Variants in CNOT4 observed in about 807,000 individuals in gnomAD.
CNOT4 encodes CCR4-NOT transcription complex subunit 4.
A neutral mutation model predicts 73.8 loss-of-function variants in CNOT4; 8 were observed. That is an observed-to-expected ratio of 0.11 (90% CI 0.06 to 0.20). The LOEUF is 0.20. Ranked by LOEUF, CNOT4 falls within the 10% of genes least tolerant of loss-of-function variation. The probability of loss-of-function intolerance (pLI) is 1.00; values close to 1 mark genes in which losing one functional copy is unlikely to be tolerated. For missense variants in CNOT4, 564 were observed against 883.4 expected (o/e 0.64, Z 4.58); for synonymous variants, 293 against 321.1 (o/e 0.91, Z 0.94).
At chr7:135,494,300 T>C (rs1251928478) in intron 1 of CNOT4, among the ~76,000 whole-genome samples, 1 of 151,392 alleles carries the variant, frequency 6.6e-6, no homozygotes, top group African/African-American at 2.4e-5. Context: ...TGAAACCCCG[T>C]CTCTACTAAA....
chr7:135,426,476 A>G (rs1357835190), intron 2 of CNOT4, among the ~76,000 whole-genome samples: 1 of 151,786 alleles, frequency 6.6e-6, no homozygotes, highest in Non-Finnish European at 1.5e-5. Context: ...GGTGGTGGGC[A>G]CCTGTAGTCC....
At chr7:135,378,368 G>T (rs553944539) in intron 10 of CNOT4, among the ~76,000 whole-genome samples, 3 of 152,234 alleles carry the variant, frequency 2.0e-5, no homozygotes, top group African/African-American at 7.2e-5. Context: ...GCCAGGCATG[G>T]TGGCATATGC....
intron 1 of CNOT4, among the ~76,000 whole-genome samples, chr7:135,485,673 C>T (rs970699628): frequency 0.13 from 19 of 146 alleles, no homozygotes; most frequent in Non-Finnish European, 0.21. Flanking sequence ...ATAAATGGTG[C>T]GAGAGCAATG....
chr7:135,415,252 C>A lies in CNOT4; in HGVS notation c.383G>T (p.Arg128Leu). ...QRLADPEVLK[R>L]PEYFGKFGKI... ...ACCAAACTTCCCAAAATATTCTGGT[C>A]GTTTTAAAACCTATAAAAGAAGAAG... Residue 128 changes from arginine to leucine, a missense_variant, in exon 4 of 12, where the codon CGA becomes CTA. Arg to Leu is a moderately radical substitution (Grantham distance 102, BLOSUM62 -2). This residue lies in a region of CNOT4 where 76 missense variants were observed against 208.7 expected (regional missense o/e 0.36). Coordinates refer to ENST00000541284, the MANE Select transcript of CNOT4 (RefSeq NM_001190850.2). The A allele has an allele frequency of 3.2e-6, 5 of 1,558,784 alleles. No individual in the cohort carries two copies. In the South Asian group the frequency reaches 5.6e-5, roughly 17 times the overall value.
chr7:135,426,371 G>A (rs1009751949), intron 2 of CNOT4, among the ~76,000 whole-genome samples: 3 of 152,098 alleles, frequency 2.0e-5, no homozygotes, highest in African/African-American at 7.2e-5. Context: ...GGGAGGCCAA[G>A]GCGGGCGGAC....
intron 1 of CNOT4, among the ~76,000 whole-genome samples, chr7:135,476,228 AG>A (rs1477692534): frequency 6.6e-6 from 1 of 152,168 alleles, no homozygotes; most frequent in Non-Finnish European, 1.5e-5. Flanking sequence ...AAACTGGGAG[AG>A]AGACAGATAT....
intron 1 of CNOT4, chr7:135,444,992 C>A: frequency 3.5e-6 from 3 of 859,970 alleles, no homozygotes; most frequent in Non-Finnish European, 6.0e-6. Flanking sequence ...GCTTGTCATG[C>A]CATTAAGCTC....
At chr7:135,416,133 C>A (rs528840503) in intron 3 of CNOT4, among the ~76,000 whole-genome samples, 1 of 152,152 alleles carries the variant, frequency 6.6e-6, no homozygotes, top group Non-Finnish European at 1.5e-5. Flanking sequence ...TTCCTACAAT[C>A]TCTCCAAATA....
chr7:135,385,745 A>C (rs982078593), intron 10 of CNOT4, among the ~76,000 whole-genome samples: 11 of 152,330 alleles, frequency 7.2e-5, no homozygotes, highest in Admixed American at 5.9e-4. Flanking sequence ...ATAAATAATA[A>C]AATGAGTCTG....
chr7:135,400,360 A>T (rs1239845705), intron 7 of CNOT4, among the ~76,000 whole-genome samples: 1 of 152,108 alleles, frequency 6.6e-6, no homozygotes, highest in African/African-American at 2.4e-5. Context: ...CGATAATCCG[A>T]GATAAACTTG....
intron 7 of CNOT4, among the ~76,000 whole-genome samples, chr7:135,408,695 C>T (rs2718167): frequency 0.62 from 94,629 of 151,838 alleles, 29,681 homozygotes; most frequent in East Asian, 0.76. Flanking sequence ...ATTCACTTAA[C>T]GTGCACAGCT....
In CNOT4 at chr7:135,487,643, A is replaced by C. The variant is rs370975244; in HGVS notation, c.-93+22246T>G. ...TAAATTATTTCCAAATGCCTAACAA[A>C]GCCACTTTTGTTAGTACATTGATAG... On this transcript the variant is annotated intron_variant, in intron 1 of 11. Coordinates refer to ENST00000541284, the MANE Select transcript of CNOT4 (RefSeq NM_001190850.2). 7.1e-4 allele frequency among the ~76,000 whole-genome samples: 108 copies of C among 152,264 alleles called. 2 individuals carry two copies. In the South Asian group the frequency reaches 0.022, roughly 30 times the overall value.
intron 10 of CNOT4, chr7:135,387,163 A>C: frequency 1.0e-6 from 1 of 979,950 alleles, no homozygotes. Context: ...AATATTAATA[A>C]GTCTACAGTA....
rs77899735 is a variant in CNOT4, at chr7:135,384,807, A to C, written c.1627+9111T>G. The stretch of plus-strand genomic sequence containing the variant: ...AAGATCTACCACCCATCTAGTTAGC[A>C]TCTTGTTTGTCTCTTCAACTTTGTT... On this transcript the variant is annotated intron_variant, in intron 10 of 11. Transcript: ENST00000541284. 4.5e-3 allele frequency: 3,280 copies of C among 736,922 alleles called. 98 individuals carry two copies. The East Asian group carries it at 0.064, about 14-fold the overall frequency. 45.6% of individuals were successfully genotyped at this position (736,922 alleles called of 1,614,324 possible).
At chr7:135,378,713 C>T (rs982156619) in intron 10 of CNOT4, among the ~76,000 whole-genome samples, 1 of 151,616 alleles carries the variant, frequency 6.6e-6, no homozygotes, top group African/African-American at 2.4e-5. Flanking sequence ...TAGCCGGGCA[C>T]GGTGGCTCAC....
In CNOT4 at chr7:135,373,984, T is replaced by C. The variant is rs189815041; in HGVS notation, c.1628-9918A>G. On this transcript the variant is annotated intron_variant, in intron 10 of 11. Coordinates refer to ENST00000541284, the MANE Select transcript of CNOT4 (RefSeq NM_001190850.2). ...CAACCACTGTTCTGTCTGCTTGTGT[T>C]TGGGGGTATTTTTCATGGGAAATAA... Among the ~76,000 whole-genome samples, 60 of 152,342 alleles carry C rather than the reference T, an allele frequency of 3.9e-4. 1 individual carries two copies. Among genetic ancestry groups the C allele is most frequent in the Admixed American group, 1.6e-3 (25 of 15,306 alleles).
At chr7:135,399,970 T>C (rs1585586545) in intron 7 of CNOT4, among the ~76,000 whole-genome samples, 1 of 152,186 alleles carries the variant, frequency 6.6e-6, no homozygotes, top group Non-Finnish European at 1.5e-5. Flanking sequence ...ATCAAATGAA[T>C]TGTTTAAACA....
intron 1 of CNOT4, among the ~76,000 whole-genome samples, chr7:135,443,648 G>C (rs1799627899): frequency 6.6e-6 from 1 of 152,098 alleles, no homozygotes; most frequent in Non-Finnish European, 1.5e-5. Context: ...TATTACTTGA[G>C]TTCTTGTTCT....
At chr7:135,384,548 G>A in intron 10 of CNOT4, 1 of 660,932 alleles carries the variant, frequency 1.5e-6, no homozygotes, top group Admixed American at 2.2e-5. Flanking sequence ...GCCTCCCAAA[G>A]TGTTGGGATT....
Sources: gnomAD v4.1 joint callset for allele counts (sites outside exome capture counted in the v4.1 genomes callset) on GRCh38, gnomAD v4.1.1 for gene constraint, gnomAD v4.1.1 regional missense constraint, MANE v1.5 for transcripts, NCBI Gene and HGNC (gene_info 2026-07-23, HGNC 2026-07-21) for gene names.